The following VWF variants were observed in gnomAD, a reference collection of about 807,000 sequenced individuals.
VWF encodes von Willebrand factor, also known as Factor VIII related antigen.
VWF carries 176 observed loss-of-function variants against 308.6 expected under a neutral mutation model. The observed-to-expected ratio is 0.57, with a 90% CI of 0.50 to 0.65. The LOEUF is 0.65. VWF is among the 30% of genes least tolerant of loss of function. VWF has a pLI of 0.00. For missense variants in VWF, 3,146 were observed against 3,648.2 expected, an observed-to-expected ratio of 0.86 and a Z score of 3.55; for synonymous variants, 1,385 against 1,443.4, an observed-to-expected ratio of 0.96 and a Z score of 0.92.
At chr12:6,097,377 C>G (rs115373837) in intron 5 of VWF, among the ~76,000 whole-genome samples, 12,688 of 152,164 alleles carry the variant, frequency 0.083, 1,024 homozygotes, top group African/African-American at 0.21. Context: ...GCGAAGACTA[C>G]AGTGAGCCGA....
intron 47 of VWF, among the ~76,000 whole-genome samples, chr12:5,963,791 C>T (rs901586932): frequency 1.3e-5 from 2 of 152,164 alleles, no homozygotes; most frequent in African/African-American, 2.4e-5. Flanking sequence ...AAGGTAAGAG[C>T]GCCTTATTTA....
chr12:6,079,892 C>G (rs1334275094), intron 6 of VWF, among the ~76,000 whole-genome samples: 1 of 152,120 alleles, frequency 6.6e-6, no homozygotes, highest in Non-Finnish European at 1.5e-5. Flanking sequence ...TCCAGCCTCA[C>G]CCTCCCTGCT....
chr12:6,081,402 C>A (rs796636014), intron 6 of VWF, among the ~76,000 whole-genome samples: 7 of 152,152 alleles, frequency 4.6e-5, no homozygotes, highest in African/African-American at 1.7e-4. Flanking sequence ...TATAGTGGCA[C>A]GATCTCAGCT....
intron 34 of VWF, among the ~76,000 whole-genome samples, chr12:5,999,503 C>CACACACAT (rs1555193386): frequency 6.7e-6 from 1 of 149,298 alleles, no homozygotes; most frequent in Non-Finnish European, 1.5e-5. Flanking sequence ...CACACACACA[C>CACACACAT]CACTAAGGAA....
At chr12:6,122,978 G>A (rs756600007) in intron 2 of VWF, 164 bp downstream of exon 2, 7 of 859,194 alleles carry the variant, frequency 8.1e-6, no homozygotes, top group East Asian at 2.4e-5. Context: ...TGGAATACAA[G>A]TCAAGGGTGG....
rs1057378550 is a variant in VWF at position 6,058,564 on chromosome 12, G to T, written c.1534-520C>A. On this transcript the variant is annotated intron_variant, in intron 13 of 51. Coordinates refer to ENST00000261405, the MANE Select transcript of VWF (RefSeq NM_000552.5). The surrounding 1 kb of genome is among the most constrained non-coding windows in gnomAD (Gnocchi z 4.9). ...GCCAGGTGTGGTCCAAGCCCTCCGG[G>T]AGCTCACGGTTAATGACAAGAAACA... 2.1e-4 allele frequency among the ~76,000 whole-genome samples: 32 copies of T among 152,250 alleles called. No individual in the cohort carries two copies. Among genetic ancestry groups the T allele is most frequent in the African/African-American group, 5.8e-4 (24 of 41,542 alleles).
Position 5,967,476 on chromosome 12 carries a change from C to T in VWF, c.7887+10G>A, listed in dbSNP as rs1943416706. On this transcript the variant is annotated intron_variant, in intron 47 of 51. Coordinates refer to ENST00000261405, the MANE Select transcript of VWF (RefSeq NM_000552.5). ...GTCCATGCCCTCGGTCCCCATTGAGCCTCTCTTACCAGGGGGCAGGGGTTG... is the reference window on the plus strand; with the variant it reads ...GTCCATGCCCTCGGTCCCCATTGAGTCTCTCTTACCAGGGGGCAGGGGTTG... The T allele has an allele frequency of 1.2e-6, 2 of 1,613,594 alleles. No homozygotes were observed. The highest frequency in any genetic ancestry group is 2.2e-5 in the South Asian group (2 of 91,084).
intron 34 of VWF, among the ~76,000 whole-genome samples, chr12:6,000,811 CA>C (rs71064181): frequency 0.35 from 24,317 of 69,626 alleles, 1,089 homozygotes; most frequent in East Asian, 0.5. Flanking sequence ...GACTCTGTCT[CA>C]AAAAAAAAAA....
At chr12:5,992,150 T>C (rs1245648284) in intron 37 of VWF, 132 bp from the exon 38 acceptor site, 5 of 806,552 alleles carry the variant, frequency 6.2e-6, no homozygotes, top group Non-Finnish European at 1.0e-5. Flanking sequence ...CCAATCTTCA[T>C]CCTCCCCACC....
chr12:6,051,278 CTTTTTTTCTTTTT>C (rs1944506394), intron 16 of VWF, among the ~76,000 whole-genome samples: 1 of 109,646 alleles, frequency 9.1e-6, no homozygotes, highest in African/African-American at 3.6e-5. Flanking sequence ...ATCAGGACTT[CTTTTTTTCTTTTT>C]TTTTTTTTTT....
At chr12:6,092,450 T>C (rs1265917518) in intron 6 of VWF, among the ~76,000 whole-genome samples, 1 of 152,046 alleles carries the variant, frequency 6.6e-6, no homozygotes, top group Non-Finnish European at 1.5e-5. Context: ...TCAAGCCATC[T>C]TCCCACCTCA....
At chr12:6,041,892 C>T (rs1037478547) in intron 18 of VWF, among the ~76,000 whole-genome samples, 1 of 152,210 alleles carries the variant, frequency 6.6e-6, no homozygotes, top group African/African-American at 2.4e-5. Flanking sequence ...TTACAGGTCT[C>T]TCCTATGGAC....
intron 3 of VWF, among the ~76,000 whole-genome samples, chr12:6,115,037 G>A (rs1218910709): frequency 2.0e-5 from 3 of 152,158 alleles, no homozygotes; most frequent in Admixed American, 6.5e-5. Context: ...AAGGGAATTT[G>A]GGGTTTTGTT....
intron 32 of VWF, among the ~76,000 whole-genome samples, chr12:6,012,388 C>G (rs528751719): frequency 3.3e-4 from 50 of 152,352 alleles, no homozygotes; most frequent in Admixed American, 7.2e-4. Context: ...ACAGCTTACG[C>G]TGTCATTATC....
At chr12:6,054,615 C>T (rs1944555917) in intron 15 of VWF, among the ~76,000 whole-genome samples, 1 of 152,314 alleles carries the variant, frequency 6.6e-6, no homozygotes, top group Non-Finnish European at 1.5e-5. Flanking sequence ...GCAGAGATGG[C>T]CAGCCCTGGT....
intron 47 of VWF, among the ~76,000 whole-genome samples, chr12:5,959,870 T>C (rs1189940724): frequency 6.6e-6 from 1 of 151,582 alleles, no homozygotes; most frequent in Non-Finnish European, 1.5e-5. Flanking sequence ...TATTTTAAAT[T>C]TTGTATTAGA....
chr12:6,121,688 T>C (rs1373562095), intron 2 of VWF, among the ~76,000 whole-genome samples: 2 of 152,232 alleles, frequency 1.3e-5, no homozygotes, highest in Admixed American at 1.3e-4. Context: ...CCCAGCACTT[T>C]GGGAGGCCGA....
rs576136969 is a variant in VWF at position 6,099,053 on chromosome 12, C to T, written c.533-3469G>A. Among the ~76,000 whole-genome samples the T allele has an allele frequency of 3.3e-5, 5 of 151,614 alleles. No homozygotes were observed. The East Asian group carries it at 9.9e-4, about 30-fold the overall frequency. ...AGAAACAATGGGCTGGCCACAGTGG[C>T]TCACATCTATAATTCTTGCACTTTG... On this transcript the variant is annotated intron_variant, in intron 5 of 51. Coordinates refer to ENST00000261405, the MANE Select transcript of VWF (RefSeq NM_000552.5).
chr12:5,996,338 CA>C (rs1943808797), intron 34 of VWF, 116 bp from the exon 35 acceptor site: 1 of 926,576 alleles, frequency 1.1e-6, no homozygotes, highest in Non-Finnish European at 1.7e-6. Flanking sequence ...GAGAATGGAA[CA>C]GGCCCTTTGA....
Sources: allele counts gnomAD v4.1 joint callset (sites outside exome capture counted in the v4.1 genomes callset), GRCh38; gene constraint gnomAD v4.1.1; non-coding constraint Gnocchi (gnomAD v3.1); transcripts MANE v1.5; gene names NCBI Gene and HGNC (gene_info 2026-07-23, HGNC 2026-07-21).